Variants in KCTD16 observed in about 807,000 individuals in gnomAD.
KCTD16 encodes the protein BTB/POZ domain-containing protein KCTD16.
KCTD16 carries 13 observed loss-of-function variants against 33.2 expected under a neutral mutation model. That is an observed-to-expected ratio of 0.39 (90% confidence interval 0.25 to 0.62). The LOEUF is 0.62. KCTD16 is among the 20% of genes least tolerant of loss of function. The pLI, the probability that KCTD16 is intolerant of heterozygous loss-of-function variation, is 0.50. For synonymous variants in KCTD16, 197 were observed against 195.3 expected (o/e 1.01, Z -0.07); for missense variants, 441 against 525.1 (o/e 0.84, Z 1.57).
intron 3 of KCTD16, among the ~76,000 whole-genome samples, chr5:144,259,559 A>T (rs2126837961): frequency 6.6e-6 from 1 of 152,252 alleles, no homozygotes; most frequent in East Asian, 1.9e-4. Context: ...CTTTTATTGT[A>T]CTCAGACGAG....
intron 3 of KCTD16, among the ~76,000 whole-genome samples, chr5:144,290,933 A>T (rs1008080161): frequency 6.6e-6 from 1 of 152,234 alleles, no homozygotes; most frequent in Non-Finnish European, 1.5e-5. Flanking sequence ...TAACTTATTT[A>T]TAACCTTCTT....
At chr5:144,420,311 C>A (rs181412270) in intron 3 of KCTD16, among the ~76,000 whole-genome samples, 1 of 152,096 alleles carries the variant, frequency 6.6e-6, no homozygotes, top group East Asian at 1.9e-4. Context: ...AGGAAAGAGG[C>A]AGATTATGGT....
At chr5:144,200,153 C>G (rs892635766) in intron 2 of KCTD16, among the ~76,000 whole-genome samples, 46 of 125,612 alleles carry the variant, frequency 3.7e-4, no homozygotes, top group African/African-American at 1.6e-3. Flanking sequence ...TTCAGAGTAG[C>G]ATAATTTTTT....
At chr5:144,291,481 T>C (rs1271030656) in intron 3 of KCTD16, among the ~76,000 whole-genome samples, 1 of 152,224 alleles carries the variant, frequency 6.6e-6, no homozygotes, top group East Asian at 1.9e-4. Flanking sequence ...TTATGACTTA[T>C]TGAAAGATCT....
chr5:144,248,070 C>A (rs1159876826), intron 3 of KCTD16, among the ~76,000 whole-genome samples: 7 of 152,138 alleles, frequency 4.6e-5, no homozygotes, highest in Admixed American at 4.6e-4. Context: ...ATAACCTTGC[C>A]CTTATGGAGC....
intron 3 of KCTD16, among the ~76,000 whole-genome samples, chr5:144,280,264 C>T (rs1024897642): frequency 6.6e-6 from 1 of 151,966 alleles, no homozygotes; most frequent in Non-Finnish European, 1.5e-5. Context: ...TTTTTCCTAA[C>T]TGATTAGTAG....
chr5:144,393,963 C>CT (rs70995050), intron 3 of KCTD16, among the ~76,000 whole-genome samples: 7,188 of 121,984 alleles, frequency 0.059, 456 homozygotes, highest in African/African-American at 0.16. Flanking sequence ...TTTCTTTTTT[C>CT]TTTTTTTTTT....
intron 3 of KCTD16, among the ~76,000 whole-genome samples, chr5:144,392,812 G>A (rs1360571679): frequency 6.6e-6 from 1 of 152,148 alleles, no homozygotes; most frequent in Non-Finnish European, 1.5e-5. Context: ...CTCTTGGTGT[G>A]CATGGAAACA....
At chr5:144,219,968 C>T (rs1753691126) in intron 3 of KCTD16, among the ~76,000 whole-genome samples, 1 of 152,176 alleles carries the variant, frequency 6.6e-6, no homozygotes, top group Non-Finnish European at 1.5e-5. Flanking sequence ...ACTGTTACTA[C>T]ACATACTTCA....
rs556008436 is a variant in KCTD16, at chr5:144,172,027, A to T, written c.-493+1018A>T. On this transcript the variant is annotated intron_variant, in intron 1 of 3. Transcript: ENST00000512467. ...ATTATATTCTGGGATCAAAATCCTG[A>T]GGCCCTCACAAAAGAAGCCAGACCA... Among the ~76,000 whole-genome samples the T allele has an allele frequency of 2.0e-5, 3 of 152,294 alleles. No individual in the cohort carries two copies. The East Asian group carries it at 5.8e-4, about 29-fold the overall frequency.
At chr5:144,314,734 T>C (rs1751860940) in intron 3 of KCTD16, among the ~76,000 whole-genome samples, 1 of 152,210 alleles carries the variant, frequency 6.6e-6, no homozygotes, top group Non-Finnish European at 1.5e-5. Context: ...TTTATTATTA[T>C]ACTTATCCAC....
At chr5:144,344,669 C>A (rs1246257425) in intron 3 of KCTD16, among the ~76,000 whole-genome samples, 1 of 151,220 alleles carries the variant, frequency 6.6e-6, no homozygotes, top group Non-Finnish European at 1.5e-5. Context: ...CATCTCACAC[C>A]AGTTAGAATG....
chr5:144,350,103 T>A (rs540075984), intron 3 of KCTD16, among the ~76,000 whole-genome samples: 1 of 152,316 alleles, frequency 6.6e-6, no homozygotes, highest in South Asian at 2.1e-4. Context: ...CGCTACAGAA[T>A]TATCCAGAAT....
At chr5:144,304,755 G>C (rs1030731512) in intron 3 of KCTD16, among the ~76,000 whole-genome samples, 2 of 152,114 alleles carry the variant, frequency 1.3e-5, no homozygotes, top group African/African-American at 4.8e-5. Flanking sequence ...GTAGAGAAAA[G>C]GCAAGTGATT....
intron 3 of KCTD16, among the ~76,000 whole-genome samples, chr5:144,322,839 T>A (rs1279151604): frequency 6.6e-6 from 1 of 152,094 alleles, no homozygotes; most frequent in African/African-American, 2.4e-5. Flanking sequence ...GTAAAACGGA[T>A]TTGCAGCTGG....
intron 3 of KCTD16, among the ~76,000 whole-genome samples, chr5:144,418,262 G>A (rs558426988): frequency 6.6e-6 from 1 of 152,260 alleles, no homozygotes; most frequent in African/African-American, 2.4e-5. Context: ...TCCACAGCGT[G>A]GAAGGAGACC....
At chr5:144,463,273 G>T (rs1467898046) in intron 3 of KCTD16, among the ~76,000 whole-genome samples, 3 of 152,130 alleles carry the variant, frequency 2.0e-5, no homozygotes, top group African/African-American at 7.2e-5. Context: ...ACTGCCTATT[G>T]AAAAAAAGCA....
chr5:144,191,172 G>A (rs553416065), intron 2 of KCTD16, among the ~76,000 whole-genome samples: 2 of 152,246 alleles, frequency 1.3e-5, no homozygotes, highest in South Asian at 4.2e-4. Context: ...CCTGTCAGTG[G>A]GGACATTGAA....
chr5:144,204,582 C>T (rs1177270572), intron 2 of KCTD16, among the ~76,000 whole-genome samples: 2 of 152,084 alleles, frequency 1.3e-5, no homozygotes, highest in Non-Finnish European at 2.9e-5. Context: ...GCTGGGGGCA[C>T]GTCCAAAGAG....
Sources: gnomAD v4.1 joint callset for allele counts (sites outside exome capture counted in the v4.1 genomes callset) on GRCh38, gnomAD v4.1.1 for gene constraint, MANE v1.5 for transcripts, NCBI Gene and HGNC (gene_info 2026-07-23, HGNC 2026-07-21) for gene names.